The following VTA1 variants were observed in gnomAD, a reference collection of about 807,000 sequenced individuals.
VTA1 encodes the protein vesicle trafficking 1.
VTA1 carries 24 observed loss-of-function variants against 36.9 expected under a neutral mutation model. The observed-to-expected ratio is 0.65, with a 90% CI of 0.47 to 0.91. The LOEUF is 0.91. VTA1 is among the 40% of genes least tolerant of loss of function. The pLI, the probability that VTA1 is intolerant of heterozygous loss-of-function variation, is 0.00. For missense variants in VTA1, 393 were observed against 377.2 expected (o/e 1.04, Z -0.35); for synonymous variants, 142 against 130.2 (o/e 1.09, Z -0.62).
intron 7 of VTA1, among the ~76,000 whole-genome samples, chr6:142,206,323 A>G (rs189924484): frequency 6.6e-6 from 1 of 152,334 alleles, no homozygotes; most frequent in Admixed American, 6.5e-5. Flanking sequence ...GTATTTACAT[A>G]AATACAATAA....
chr6:142,216,460 ATCTC>A (rs1243400104), intron 7 of VTA1, among the ~76,000 whole-genome samples: 1 of 152,168 alleles, frequency 6.6e-6, no homozygotes, highest in African/African-American at 2.4e-5. Flanking sequence ...GAAAATAAAT[ATCTC>A]TATATGTTTA....
chr6:142,218,318 A>C (rs1562273096), intron 7 of VTA1, among the ~76,000 whole-genome samples, 180 bp from the exon 8 acceptor site: 1 of 152,178 alleles, frequency 6.6e-6, no homozygotes, highest in Admixed American at 6.5e-5. Flanking sequence ...TTATATTAGT[A>C]ATAAAAAGAC....
intron 1 of VTA1, among the ~76,000 whole-genome samples, chr6:142,158,449 A>G (rs149663845): frequency 3.3e-5 from 5 of 152,196 alleles, no homozygotes; most frequent in East Asian, 3.9e-4. Flanking sequence ...CAATTTTTCT[A>G]TTTTTATGTG....
chr6:142,153,521 A>G (rs1377985828), intron 1 of VTA1, among the ~76,000 whole-genome samples: 3 of 152,022 alleles, frequency 2.0e-5, no homozygotes, highest in Non-Finnish European at 2.9e-5. Flanking sequence ...ATTTCCAAAA[A>G]TGATTCACTT....
chr6:142,212,321 A>C (rs1775919552), intron 7 of VTA1, among the ~76,000 whole-genome samples: 1 of 152,244 alleles, frequency 6.6e-6, no homozygotes, highest in Non-Finnish European at 1.5e-5. Flanking sequence ...AGACAATGGG[A>C]TATTATTCAG....
chr6:142,196,134 C>G (rs757690640), intron 5 of VTA1, among the ~76,000 whole-genome samples: 7 of 152,014 alleles, frequency 4.6e-5, no homozygotes, highest in Non-Finnish European at 1.0e-4. Flanking sequence ...ATGAACTAAC[C>G]TTTTTATTAT....
chr6:142,189,367 T>C (rs1775406907), intron 4 of VTA1, 59 bp from the exon 5 acceptor site: 22 of 1,364,434 alleles, frequency 1.6e-5, no homozygotes, highest in Non-Finnish European at 2.2e-5. Context: ...TCATCATAAA[T>C]GTTTACTTTT....
In VTA1 at chr6:142,161,090, C is replaced by CT. The variant is rs34040174; in HGVS notation, c.113-5131dup. Among the ~76,000 whole-genome samples the CT allele has an allele frequency of 3.4e-4, 47 of 137,172 alleles. 1 individual carries two copies. The highest frequency in any genetic ancestry group is 5.1e-4 in the Admixed American group (7 of 13,828). The allele number at this position is 137,172 out of a possible 152,430, so 90.0% of individuals were successfully genotyped here. Reference sequence around the variant, plus strand: ...ATGCTTCCTTCCTTCCCCCCCCCCCCTTTTTTTGGGTCAAATAGTGTGCCT... The same window carrying CT: ...ATGCTTCCTTCCTTCCCCCCCCCCCCTTTTTTTTGGGTCAAATAGTGTGCCT... On this transcript the variant is annotated intron_variant, in intron 1 of 7. Coordinates refer to ENST00000367630, the MANE Select transcript of VTA1 (RefSeq NM_016485.5).
At position 142,224,060 on chromosome 6, in the gene VTA1, GT is replaced by G. The variant is rs1449541670; in HGVS notation, c.*5419del. The G allele has an allele frequency of 2.6e-5, 4 of 152,194 alleles. No homozygotes were observed. The highest frequency in any genetic ancestry group is 5.9e-5 in the Non-Finnish European group (4 of 68,066). The allele number at this position is 152,194 out of a possible 1,614,324, so 9.4% of individuals were successfully genotyped here. On this transcript the variant is annotated 3_prime_UTR_variant, in exon 8 of 8. Coordinates refer to ENST00000367630, the MANE Select transcript of VTA1 (RefSeq NM_016485.5). ...AAGCACTGATCTCCAGTGTGTCTGT[GT>G]TCAGAGGCAGGTCCCATAGGGAGGC... is the stretch of plus-strand genomic sequence containing the variant.
chr6:142,206,643 T>A (rs978046704), intron 7 of VTA1, among the ~76,000 whole-genome samples: 2 of 152,122 alleles, frequency 1.3e-5, no homozygotes, highest in Non-Finnish European at 2.9e-5. Flanking sequence ...ATCAACGTAG[T>A]ACTGAAGGAG....
intron 1 of VTA1, among the ~76,000 whole-genome samples, chr6:142,158,185 T>C (rs1778699571): frequency 6.6e-6 from 1 of 152,072 alleles, no homozygotes; most frequent in Non-Finnish European, 1.5e-5. Context: ...GCCCACAGCA[T>C]AATGTAAAAA....
At chr6:142,217,806 T>C (rs531020479) in intron 7 of VTA1, among the ~76,000 whole-genome samples, 7 of 152,114 alleles carry the variant, frequency 4.6e-5, no homozygotes, top group Admixed American at 6.5e-5. Context: ...TTTAGAAATA[T>C]ATATTCAAGG....
chr6:142,198,312 C>A, intron 5 of VTA1, 127 bp from the exon 6 acceptor site: 2 of 791,572 alleles, frequency 2.5e-6, no homozygotes, highest in South Asian at 3.8e-5. Flanking sequence ...ATAGAGCTTG[C>A]TTCTCCACTG....
chr6:142,189,460 C>G lies in VTA1; in HGVS notation c.446C>G (p.Ala149Gly). The G allele has an allele frequency of 6.2e-7, 1 of 1,613,772 alleles. No homozygotes were observed. Among genetic ancestry groups the G allele is most frequent in the East Asian group, 2.2e-5 (1 of 44,870 alleles). ...VKHRKYARWK[A>G]TYIHNCLKNG... Reference sequence around the variant, plus strand: ...CACAGGAAGTATGCCAGATGGAAGGCAACATACATCCATAATTGTTTAAAG... The same window carrying G: ...CACAGGAAGTATGCCAGATGGAAGGGAACATACATCCATAATTGTTTAAAG... Residue 149 changes from alanine (A) to glycine (G), a missense_variant, in exon 5 of 8, where the codon GCA becomes GGA. By Grantham distance (60) the Ala-to-Gly change is moderately conservative (BLOSUM62 0). Coordinates refer to ENST00000367630, the MANE Select transcript of VTA1 (RefSeq NM_016485.5).
At chr6:142,170,233 G>C (rs1345386157) in intron 3 of VTA1, 113 bp from the exon 4 acceptor site, 1 of 716,136 alleles carries the variant, frequency 1.4e-6, no homozygotes, top group Non-Finnish European at 2.3e-6. Flanking sequence ...TTTAAAACAT[G>C]AATTTCAGAG....
At chr6:142,185,533 T>G (rs1414091395) in intron 4 of VTA1, among the ~76,000 whole-genome samples, 1 of 152,226 alleles carries the variant, frequency 6.6e-6, no homozygotes, top group Admixed American at 6.5e-5. Flanking sequence ...CAAGTGAACA[T>G]AGAGACTCAA....
chr6:142,186,121 G>A (rs1203959037), intron 4 of VTA1, among the ~76,000 whole-genome samples: 1 of 152,140 alleles, frequency 6.6e-6, no homozygotes, highest in Admixed American at 6.6e-5. Context: ...CTGAGGAAGT[G>A]GCATTTGATC....
At position 142,158,970 on chromosome 6, in the gene VTA1, A is replaced by G. The variant is rs541458216; in HGVS notation, c.113-7258A>G. Among the ~76,000 whole-genome samples the G allele has an allele frequency of 2.6e-5, 4 of 152,172 alleles. No homozygotes were observed. In the South Asian group the frequency reaches 8.3e-4, roughly 32 times the overall value. On this transcript the variant is annotated intron_variant, in intron 1 of 7. Transcript: ENST00000367630. Reference sequence around the variant, plus strand: ...CATAAACCTTATATATTTTTTAACTATTCTCTTTTAAAGAAATTTATAAAA... The same window carrying G: ...CATAAACCTTATATATTTTTTAACTGTTCTCTTTTAAAGAAATTTATAAAA...
At position 142,221,282 on chromosome 6, in the gene VTA1, G is replaced by T. The variant is rs149467307; in HGVS notation, c.*2639G>T. On this transcript the variant is annotated 3_prime_UTR_variant, in exon 8 of 8. Transcript: ENST00000367630. ...AGGAAACATTGAGGACAGGATAGGA[G>T]ATGCTTAGGTGTGTACAGACATATG... is the stretch of plus-strand genomic sequence containing the variant. The T allele has an allele frequency of 3.9e-5, 6 of 152,352 alleles. No individual in the cohort carries two copies. The East Asian group carries it at 1.2e-3, about 29-fold the overall frequency. 9.4% of individuals were successfully genotyped at this position (152,352 alleles called of 1,614,324 possible). A position where few individuals can be genotyped will look rare whatever the true frequency, so the allele number is the denominator to read the frequency against.
Sources: gnomAD v4.1 joint callset for allele counts (sites outside exome capture counted in the v4.1 genomes callset) on GRCh38, gnomAD v4.1.1 for gene constraint, MANE v1.5 for transcripts, NCBI Gene and HGNC (gene_info 2026-07-23, HGNC 2026-07-21) for gene names.